The following PNPLA8 variants were observed in gnomAD, a reference collection of about 807,000 sequenced individuals.
The protein encoded by PNPLA8 is calcium-independent phospholipase A2-gamma.
A neutral mutation model predicts 76.9 loss-of-function variants in PNPLA8; 39 were observed. The observed-to-expected ratio is 0.51, with a 90% confidence interval of 0.39 to 0.66. The LOEUF (loss-of-function observed/expected upper bound fraction) is 0.66. Ranked by LOEUF, PNPLA8 falls within the 30% of genes least tolerant of loss-of-function variation. PNPLA8 has a pLI of 0.00. For missense variants in PNPLA8, 887 were observed against 918.0 expected (o/e 0.97, Z 0.44); for synonymous variants, 301 against 307.9 (o/e 0.98, Z 0.24).
Position 108,494,897 on chromosome 7 carries a change from T to A in PNPLA8, c.1625+1687A>T, listed in dbSNP as rs1020709063. On this transcript the variant is annotated intron_variant, in intron 7 of 10. Transcript: ENST00000257694. ...CATTGAGGAATATCCCATAAGAAAA[T>A]AGGCAAAAATTATGCCCTCAAAATT... Among the ~76,000 whole-genome samples, 4 of 152,096 alleles carry A rather than the reference T, an allele frequency of 2.6e-5. No individual in the cohort carries two copies. In the East Asian group the frequency reaches 7.7e-4, roughly 29 times the overall value.
chr7:108,474,690 C>T (rs550326394), intron 10 of PNPLA8, among the ~76,000 whole-genome samples: 3 of 152,248 alleles, frequency 2.0e-5, no homozygotes, highest in East Asian at 3.9e-4. Flanking sequence ...AAAAGACTGT[C>T]CTTTCCCACT....
chr7:108,518,231 A>G (rs906315628), intron 2 of PNPLA8: 10 of 152,226 alleles, frequency 6.6e-5, no homozygotes, highest in Admixed American at 6.5e-4. Flanking sequence ...TTCCACATGA[A>G]TTTTGAGAGG....
At chr7:108,487,673 C>T in intron 9 of PNPLA8, 86 bp downstream of exon 9, 1 of 722,120 alleles carries the variant, frequency 1.4e-6, no homozygotes, top group South Asian at 2.4e-5. Flanking sequence ...CTAGGTTGAT[C>T]CTTCTGAAGA....
intron 10 of PNPLA8, among the ~76,000 whole-genome samples, chr7:108,477,964 A>G (rs1206337227): frequency 6.6e-6 from 1 of 152,224 alleles, no homozygotes; most frequent in Non-Finnish European, 1.5e-5. Flanking sequence ...TCAACAGCAA[A>G]CTGGGTAAGT....
rs1018223661 is a variant in PNPLA8 at position 108,471,135 on chromosome 7, T to C, written c.*1266A>G. 1.3e-5 allele frequency: 2 copies of C among 152,066 alleles called. No individual in the cohort carries two copies. The highest frequency in any genetic ancestry group is 4.8e-5 in the African/African-American group (2 of 41,410). The allele number at this position is 152,066 out of a possible 1,614,324, so 9.4% of individuals were successfully genotyped here. On this transcript the variant is annotated 3_prime_UTR_variant, in exon 11 of 11. Coordinates refer to ENST00000257694, the MANE Select transcript of PNPLA8 (RefSeq NM_001256007.3). ...TTTGTTTGGCATGAACAATGTTCCA[T>C]GTAAGTGCATCTTACCAACTTCCAT...
chr7:108,519,615 G>A (rs1563991409), intron 2 of PNPLA8, among the ~76,000 whole-genome samples: 1 of 152,152 alleles, frequency 6.6e-6, no homozygotes, highest in Non-Finnish European at 1.5e-5. Context: ...AAGGAAGAGA[G>A]AGAAAAAAAG....
At chr7:108,491,033 G>A (rs761822163) in intron 8 of PNPLA8, among the ~76,000 whole-genome samples, 6 of 151,970 alleles carry the variant, frequency 3.9e-5, no homozygotes, top group African/African-American at 9.6e-5. Flanking sequence ...GGCCGGGCAC[G>A]ATGGCTCATG....
chr7:108,522,663 G>T (rs977457888), intron 1 of PNPLA8, among the ~76,000 whole-genome samples: 4 of 152,194 alleles, frequency 2.6e-5, no homozygotes, highest in Non-Finnish European at 5.9e-5. Context: ...AAATTTTCTA[G>T]ATTGAGACCT....
chr7:108,484,181 C>T (rs1428020289), intron 9 of PNPLA8, among the ~76,000 whole-genome samples: 1 of 152,116 alleles, frequency 6.6e-6, no homozygotes, highest in Non-Finnish European at 1.5e-5. Context: ...TTTTTCAAAG[C>T]AAATTTCTGT....
At chr7:108,488,023 C>T (rs1451256757) in intron 8 of PNPLA8, 70 bp from the exon 9 acceptor site, 4 of 865,396 alleles carry the variant, frequency 4.6e-6, no homozygotes, top group East Asian at 2.5e-5. Context: ...AAATTAAATA[C>T]TATTTAGTAG....
intron 4 of PNPLA8, among the ~76,000 whole-genome samples, chr7:108,505,352 A>ATATATT (rs1862335494): frequency 7.2e-5 from 1 of 13,890 alleles, no homozygotes; most frequent in African/African-American, 4.6e-4. Context: ...ATATATATAT[A>ATATATT]TTTTTTTTTT....
intron 2 of PNPLA8, among the ~76,000 whole-genome samples, chr7:108,518,750 T>C (rs372902147): frequency 0.43 from 53,731 of 123,818 alleles, 10,894 homozygotes; most frequent in African/African-American, 0.5. Flanking sequence ...TATATATATA[T>C]ATATATATAC....
chr7:108,502,327 C>A (rs529638808), intron 5 of PNPLA8, among the ~76,000 whole-genome samples, 164 bp downstream of exon 5: 1 of 150,530 alleles, frequency 6.6e-6, no homozygotes, highest in African/African-American at 2.4e-5. Flanking sequence ...CCTGTAAATC[C>A]AGCTACTTGA....
At chr7:108,476,095 A>G (rs1303543386) in intron 10 of PNPLA8, among the ~76,000 whole-genome samples, 1 of 152,228 alleles carries the variant, frequency 6.6e-6, no homozygotes, top group South Asian at 2.1e-4. Flanking sequence ...CCATTTATTT[A>G]GCAATTCACC....
chr7:108,498,377 G>A (rs921504027), intron 5 of PNPLA8, among the ~76,000 whole-genome samples: 8 of 151,060 alleles, frequency 5.3e-5, no homozygotes, highest in Non-Finnish European at 1.0e-4. Context: ...CCATTCTCCT[G>A]CCTCAGCCTC....
intron 4 of PNPLA8, among the ~76,000 whole-genome samples, chr7:108,504,955 A>G (rs1251137267): frequency 6.6e-6 from 1 of 152,074 alleles, no homozygotes; most frequent in Admixed American, 6.6e-5. Flanking sequence ...GCATGCCTGT[A>G]ATCCCAGCTA....
At chr7:108,524,701 T>A (rs1863962522) in intron 1 of PNPLA8, among the ~76,000 whole-genome samples, 1 of 152,016 alleles carries the variant, frequency 6.6e-6, no homozygotes, top group South Asian at 2.1e-4. Context: ...CGCCTGTAAA[T>A]CCCAGCTACT....
chr7:108,511,185 A>G (rs530130269), intron 4 of PNPLA8, among the ~76,000 whole-genome samples: 33 of 152,344 alleles, frequency 2.2e-4, no homozygotes, highest in Admixed American at 5.9e-4. Context: ...TCTTTACAGA[A>G]GAATGTCAAT....
chr7:108,514,392 T>C lies in PNPLA8; in HGVS notation c.1056+44A>G, dbSNP rs777367507. On this transcript the variant is annotated intron_variant, in intron 3 of 10. Transcript: ENST00000257694. ...TCATTAGGAAATAAAACTTATAAAT[T>C]TGACAAAAAGTAATAGAACCGAAAA... 5.1e-6 allele frequency: 8 copies of C among 1,559,994 alleles called. No homozygotes were observed. The East Asian group carries it at 9.0e-5, about 18-fold the overall frequency.
Sources: allele counts gnomAD v4.1 joint callset (sites outside exome capture counted in the v4.1 genomes callset), GRCh38; gene constraint gnomAD v4.1.1; transcripts MANE v1.5; gene names NCBI Gene and HGNC (gene_info 2026-07-23, HGNC 2026-07-21).